The following TBC1D16 variants were observed in gnomAD, a reference collection of about 807,000 sequenced individuals.
TBC1D16 encodes TBC1 domain family member 16, also known as CTD-2529O21.1.
A neutral mutation model predicts 74.7 loss-of-function variants in TBC1D16; 58 were observed. The ratio of observed to expected loss-of-function variants is 0.78; its 90% CI spans 0.63 to 0.97. The LOEUF (loss-of-function observed/expected upper bound fraction) is 0.97. Among genes scored for constraint, TBC1D16 ranks in the 50% least tolerant of loss-of-function variants. The pLI, the probability that TBC1D16 is intolerant of heterozygous loss-of-function variation, is 0.00. For missense variants in TBC1D16, 1,014 were observed against 1,079.5 expected (o/e 0.94, Z 0.85); for synonymous variants, 493 against 474.7 (o/e 1.04, Z -0.50).
chr17:79,957,645 C>G (rs1046213089), intron 3 of TBC1D16, among the ~76,000 whole-genome samples: 1 of 151,952 alleles, frequency 6.6e-6, no homozygotes, highest in Non-Finnish European at 1.5e-5. Context: ...TACATTTGTC[C>G]AGACCCATAG....
At chr17:80,002,140 C>T (rs1409721084) in intron 3 of TBC1D16, among the ~76,000 whole-genome samples, 3 of 152,168 alleles carry the variant, frequency 2.0e-5, no homozygotes, top group Non-Finnish European at 4.4e-5. Flanking sequence ...CGTGGGAGCT[C>T]CTGCAAGGAT....
chr17:79,950,666 C>A lies in TBC1D16; in HGVS notation c.1090-88G>T. The A allele has an allele frequency of 1.3e-6, 2 of 1,557,270 alleles. No individual in the cohort carries two copies. Among genetic ancestry groups the A allele is most frequent in the East Asian group, 2.3e-5 (1 of 43,078 alleles). ...GTGCTTTTCCCAGGAATAAAAGCCTCTCTCTCTTCTGAAAGGAGGGCAAGG... is the reference window on the plus strand; with the variant it reads ...GTGCTTTTCCCAGGAATAAAAGCCTATCTCTCTTCTGAAAGGAGGGCAAGG... On this transcript the variant is annotated intron_variant, in intron 5 of 11. Transcript: ENST00000310924. This position sits in a 1 kb window ranked among gnomAD's most constrained non-coding sequence, Gnocchi z 4.6.
At chr17:79,991,698 G>GGGGGC (rs1348836795) in intron 3 of TBC1D16, among the ~76,000 whole-genome samples, 11 of 150,732 alleles carry the variant, frequency 7.3e-5, no homozygotes, top group South Asian at 2.1e-4. Flanking sequence ...ACAGGCAGGT[G>GGGGGC]GGGGTGGGGC....
In TBC1D16 at chr17:80,009,271, A is replaced by T. The variant is rs572388365; in HGVS notation, c.779+889T>A. Among the ~76,000 whole-genome samples, 7 of 152,292 alleles carry T rather than the reference A, an allele frequency of 4.6e-5. No homozygotes were observed. The highest frequency in any genetic ancestry group is 1.3e-4 in the Admixed American group (2 of 15,304). ...GGTCACCACCATTATTTGCCCAGAA[A>T]TCTAATGAGCGTAAGGACCACAGCC... On this transcript the variant is annotated intron_variant, in intron 3 of 11. Coordinates refer to ENST00000310924, the MANE Select transcript of TBC1D16 (RefSeq NM_019020.4). This position sits in a 1 kb window ranked among gnomAD's most constrained non-coding sequence, Gnocchi z 5.4.
At position 80,001,696 on chromosome 17, in the gene TBC1D16, CAG is replaced by C; in HGVS notation, c.779+8462_779+8463del. On this transcript the variant is annotated intron_variant, in intron 3 of 11. Coordinates refer to ENST00000310924, the MANE Select transcript of TBC1D16 (RefSeq NM_019020.4). This position sits in a 1 kb window ranked among gnomAD's most constrained non-coding sequence, Gnocchi z 5.8. ...CAGTTGTCCCTCCCCTGGGTGGCGG[CAG>C]CTCCTGGATATCTGTGCTGCACCTG... 6.6e-6 allele frequency among the ~76,000 whole-genome samples: 1 copy of C among 152,210 alleles called. No individual in the cohort carries two copies. The highest frequency in any genetic ancestry group is 6.5e-5 in the Admixed American group (1 of 15,294).
chr17:80,010,400 G>A lies in TBC1D16; in HGVS notation c.539C>T (p.Ala180Val), dbSNP rs1189570621. 5.0e-6 allele frequency: 8 copies of A among 1,611,744 alleles called. No homozygotes were observed. The African/African-American group carries it at 9.3e-5, about 19-fold the overall frequency. The change falls in exon 3 of 12, where the codon GCT (alanine) becomes GTT (valine). Residue 180 changes from alanine (A) to valine (V), a missense_variant. Physicochemically the swap from Ala to Val is moderately conservative, Grantham distance 64. Coordinates refer to ENST00000310924, the MANE Select transcript of TBC1D16 (RefSeq NM_019020.4). The surrounding 1 kb of genome is among the most constrained non-coding windows in gnomAD (Gnocchi z 8.8). ...VDGAQPASQP[A>V]CSPSGILSTV... ...CGACAAGATCCCGGAGGGGCTGCAA[G>A]CAGGCTGCGAGGCTGGCTGGGCACC...
intron 3 of TBC1D16, among the ~76,000 whole-genome samples, chr17:79,984,565 A>AG (rs2034737696): frequency 6.7e-6 from 1 of 148,914 alleles, no homozygotes; most frequent in East Asian, 2.0e-4. Flanking sequence ...AAAGAAAGAG[A>AG]GAGAGAGAAA....
At chr17:79,982,333 A>T (rs1380318337) in intron 3 of TBC1D16, among the ~76,000 whole-genome samples, 1 of 151,080 alleles carries the variant, frequency 6.6e-6, no homozygotes, top group Admixed American at 6.6e-5. Flanking sequence ...TTTGGTAGAG[A>T]CGGGGTTTCA....
At chr17:80,014,481 A>G (rs1466813709) in intron 1 of TBC1D16, among the ~76,000 whole-genome samples, 1 of 152,248 alleles carries the variant, frequency 6.6e-6, no homozygotes, top group Non-Finnish European at 1.5e-5. Context: ...TGCTCCACAC[A>G]AGAGGAAAAC....
At chr17:79,942,023 C>CGGGGCGGGGT (rs2032054918) in intron 11 of TBC1D16, 37 bp downstream of exon 11, 2 of 801,990 alleles carry the variant, frequency 2.5e-6, no homozygotes, top group Non-Finnish European at 3.1e-6. Flanking sequence ...GCTTTGGGGG[C>CGGGGCGGGGT]GGGGCGGGGT....
intron 3 of TBC1D16, among the ~76,000 whole-genome samples, chr17:80,006,936 C>T (rs2035698190): frequency 6.6e-6 from 1 of 152,202 alleles, no homozygotes; most frequent in African/African-American, 2.4e-5. Flanking sequence ...GCTGGGATTA[C>T]AGGCGTGAGT....
In TBC1D16 at chr17:79,944,757, C is replaced by T. The variant is rs1237549572; in HGVS notation, c.1908+151G>A. Reference sequence around the variant, plus strand: ...GAGCTGTAAGGTCTGAAGCCAGCCACGTGGGACGGGAAGGCAGTCGCCGTA... The same window carrying T: ...GAGCTGTAAGGTCTGAAGCCAGCCATGTGGGACGGGAAGGCAGTCGCCGTA... On this transcript the variant is annotated intron_variant, in intron 10 of 11. Coordinates refer to ENST00000310924, the MANE Select transcript of TBC1D16 (RefSeq NM_019020.4). This position sits in a 1 kb window ranked among gnomAD's most constrained non-coding sequence, Gnocchi z 7.7. 22 of 716,308 alleles carry T rather than the reference C, an allele frequency of 3.1e-5. No individual in the cohort carries two copies. The highest frequency in any genetic ancestry group is 4.5e-5 in the Non-Finnish European group (20 of 446,496). 44.4% of individuals were successfully genotyped at this position (716,308 alleles called of 1,614,324 possible). A position where few individuals can be genotyped will look rare whatever the true frequency, so the allele number is the denominator to read the frequency against.
Position 79,944,226 on chromosome 17 carries a change from C to A in TBC1D16, c.1908+682G>T. On this transcript the variant is annotated intron_variant, in intron 10 of 11. Coordinates refer to ENST00000310924, the MANE Select transcript of TBC1D16 (RefSeq NM_019020.4). The surrounding 1 kb of genome is among the most constrained non-coding windows in gnomAD (Gnocchi z 7.7). ...CTGGAGCTGCCGTGGTGGATAGAGC[C>A]AGCTCCTGCAAAAGGGTCCAGCCCT... The A allele has an allele frequency of 7.4e-7, 1 of 1,342,984 alleles. No homozygotes were observed. The highest frequency in any genetic ancestry group is 1.0e-6 in the Non-Finnish European group (1 of 977,638). The allele number at this position is 1,342,984 out of a possible 1,614,324, so 83.2% of individuals were successfully genotyped here.
chr17:80,015,275 GA>G (rs541233217), intron 1 of TBC1D16, among the ~76,000 whole-genome samples: 1 of 151,522 alleles, frequency 6.6e-6, no homozygotes, highest in East Asian at 2.0e-4. Flanking sequence ...ACTAAAAATA[GA>G]AAAAAAAGTT....
Position 79,949,015 on chromosome 17 carries a change from A to G in TBC1D16, c.1407-9T>C. The G allele has an allele frequency of 1.2e-6, 2 of 1,613,958 alleles. No homozygotes were observed. Among genetic ancestry groups the G allele is most frequent in the South Asian group, 2.2e-5 (2 of 91,086 alleles). ...CGGGAGTCATGGAGAGCCTGTGTGG[A>G]GCCGAGCACCCAGCCGGGGTCAGCG... On this transcript the variant is annotated splice_polypyrimidine_tract_variant and intron_variant, in intron 7 of 11. Coordinates refer to ENST00000310924, the MANE Select transcript of TBC1D16 (RefSeq NM_019020.4).
intron 3 of TBC1D16, chr17:79,992,429 TGG>T (rs1255587215): frequency 6.6e-6 from 1 of 151,902 alleles, no homozygotes; most frequent in African/African-American, 2.4e-5. Flanking sequence ...GGCCAGGGGG[TGG>T]GGTATCCTTG....
Position 79,947,603 on chromosome 17 carries a change from C to T in TBC1D16, c.1728+42G>A, listed in dbSNP as rs1456401508. 6.9e-6 allele frequency: 11 copies of T among 1,599,310 alleles called. No individual in the cohort carries two copies. In the East Asian group the frequency reaches 2.5e-4, roughly 36 times the overall value. On this transcript the variant is annotated intron_variant, in intron 9 of 11. Coordinates refer to ENST00000310924, the MANE Select transcript of TBC1D16 (RefSeq NM_019020.4). Reference sequence around the variant, plus strand: ...GCTACAACGGGAGAGGCAACACGGGCCCTCACATGCCCTTGGACGCACCCA... The same window carrying T: ...GCTACAACGGGAGAGGCAACACGGGTCCTCACATGCCCTTGGACGCACCCA...
chr17:79,996,596 A>G (rs1397536496), intron 3 of TBC1D16, among the ~76,000 whole-genome samples: 1 of 152,222 alleles, frequency 6.6e-6, no homozygotes, highest in African/African-American at 2.4e-5. Flanking sequence ...AACTAAGCAC[A>G]TAGGCCGGGA....
Position 79,983,360 on chromosome 17 carries a change from G to A in TBC1D16, c.779+26800C>T, listed in dbSNP as rs1041756649. ...ACATTGCAGGGCCCAGGGGCCCCTC[G>A]GAGGGGCTCCTGTCCCTCTGCACCA... On this transcript the variant is annotated intron_variant, in intron 3 of 11. Transcript: ENST00000310924. The surrounding 1 kb of genome is among the most constrained non-coding windows in gnomAD (Gnocchi z 5.6). 2.6e-5 allele frequency among the ~76,000 whole-genome samples: 4 copies of A among 152,310 alleles called. No individual in the cohort carries two copies. Among genetic ancestry groups the A allele is most frequent in the African/African-American group, 7.2e-5 (3 of 41,568 alleles).
Sources: allele counts gnomAD v4.1 joint callset (sites outside exome capture counted in the v4.1 genomes callset), GRCh38; gene constraint gnomAD v4.1.1; non-coding constraint Gnocchi (gnomAD v3.1); transcripts MANE v1.5; gene names NCBI Gene and HGNC (gene_info 2026-07-23, HGNC 2026-07-21).